The following NUDCD3 variants were observed in gnomAD, a reference collection of about 807,000 sequenced individuals.
The protein encoded by NUDCD3 is nudC domain-containing protein 3.
A neutral mutation model predicts 39.7 loss-of-function variants in NUDCD3; 13 were observed. The ratio of observed to expected loss-of-function variants is 0.33; its 90% CI spans 0.21 to 0.52. The LOEUF (loss-of-function observed/expected upper bound fraction) is 0.52, where lower values mean the gene tolerates loss of function less well. NUDCD3 is among the 20% of genes least tolerant of loss of function. NUDCD3 has a pLI of 0.96. For synonymous variants in NUDCD3, 175 were observed against 172.4 expected (o/e 1.02, Z -0.12); for missense variants, 453 against 458.1 (o/e 0.99, Z 0.10).
chr7:44,423,647 A>T (rs1467975347), intron 3 of NUDCD3, among the ~76,000 whole-genome samples: 1 of 152,228 alleles, frequency 6.6e-6, no homozygotes, highest in African/African-American at 2.4e-5. Flanking sequence ...AAGAGAGGAC[A>T]CAAACAAATG....
chr7:44,485,012 A>T lies in NUDCD3; in HGVS notation c.465T>A (p.Val155=). 6.2e-7 allele frequency: 1 copy of T among 1,614,114 alleles called. No homozygotes were observed. The highest frequency in any genetic ancestry group is 8.5e-7 in the Non-Finnish European group (1 of 1,179,972). Residue 155 remains valine (V), a synonymous_variant, in exon 2 of 6, where the codon GTT becomes GTA. Transcript: ENST00000355451. ...GSQEAEAPGA[V]AGAAEVPREP... The stretch of plus-strand genomic sequence containing the variant: ...CCCTAGGGACTTCAGCAGCACCAGC[A>T]ACTGCTCCTGGAGCTTCTGCCTCCT...
intron 2 of NUDCD3, among the ~76,000 whole-genome samples, chr7:44,474,984 A>T (rs1800333588): frequency 6.6e-6 from 1 of 152,116 alleles, no homozygotes; most frequent in African/African-American, 2.4e-5. Context: ...ACAGACAGAC[A>T]TCCCTCAACC....
intron 2 of NUDCD3, among the ~76,000 whole-genome samples, chr7:44,465,038 G>A (rs1456363925): frequency 2.6e-5 from 4 of 152,168 alleles, no homozygotes; most frequent in African/African-American, 7.2e-5. Context: ...TGACACATGT[G>A]CTCTGCTCCA....
At chr7:44,403,230 G>A (rs1798755768) in intron 4 of NUDCD3, among the ~76,000 whole-genome samples, 1 of 152,240 alleles carries the variant, frequency 6.6e-6, no homozygotes, top group Non-Finnish European at 1.5e-5. Context: ...ATCAGCAGAG[G>A]TAGGCCCTGG....
At chr7:44,436,398 T>C (rs1799464755) in intron 2 of NUDCD3, among the ~76,000 whole-genome samples, 1 of 152,182 alleles carries the variant, frequency 6.6e-6, no homozygotes. Flanking sequence ...CCCTCCTTTT[T>C]GTGTACTTCT....
chr7:44,437,316 C>A (rs777801789), intron 2 of NUDCD3, among the ~76,000 whole-genome samples: 1 of 152,132 alleles, frequency 6.6e-6, no homozygotes, highest in African/African-American at 2.4e-5. Context: ...GATCTGCCCG[C>A]CTTGGCCTCC....
At chr7:44,409,551 T>C (rs1189536865) in intron 3 of NUDCD3, among the ~76,000 whole-genome samples, 4 of 151,460 alleles carry the variant, frequency 2.6e-5, no homozygotes, top group Non-Finnish European at 4.4e-5. Flanking sequence ...TAAAAATCCA[T>C]TTCTCAATAA....
chr7:44,484,921 C>A, intron 2 of NUDCD3, 47 bp downstream of exon 2: 1 of 1,381,308 alleles, frequency 7.2e-7, no homozygotes, highest in Non-Finnish European at 1.0e-6. Flanking sequence ...ACCCAAACAC[C>A]AGATGTTACG....
intron 2 of NUDCD3, among the ~76,000 whole-genome samples, chr7:44,437,441 T>C (rs1799489881): frequency 6.6e-6 from 1 of 152,190 alleles, no homozygotes; most frequent in African/African-American, 2.4e-5. Context: ...AGTTCGTCTA[T>C]GTTGATGTTT....
intron 1 of NUDCD3, 96 bp downstream of exon 1, chr7:44,490,313 G>A: frequency 8.2e-7 from 1 of 1,213,374 alleles, no homozygotes; most frequent in Non-Finnish European, 1.1e-6. Flanking sequence ...CCAGGAAAAG[G>A]AGGAAACAGG....
intron 2 of NUDCD3, among the ~76,000 whole-genome samples, chr7:44,463,339 G>A (rs1585096054): frequency 6.6e-6 from 1 of 152,300 alleles, no homozygotes; most frequent in East Asian, 1.9e-4. Context: ...ACAAGCTGGT[G>A]ACACCCACAG....
Position 44,490,543 on chromosome 7 carries a change from C to G in NUDCD3, c.58G>C (p.Val20Leu), listed in dbSNP as rs1362197797. The G allele has an allele frequency of 1.7e-5, 28 of 1,612,206 alleles. No individual in the cohort carries two copies. Among genetic ancestry groups the G allele is most frequent in the Non-Finnish European group, 2.3e-5 (27 of 1,179,284 alleles). Reference sequence around the variant, plus strand: ...CGCAGGAAATCCTGGACGTTGCCCACGTGCTGCAGGATGCCCAAAAGGGCC... The same window carrying G: ...CGCAGGAAATCCTGGACGTTGCCCAGGTGCTGCAGGATGCCCAAAAGGGCC... Reference protein sequence around the residue: ...DQALLGILQHVGNVQDFLRVL... With the variant: ...DQALLGILQHLGNVQDFLRVL... The change falls in exon 1 of 6, where the codon GTG (valine) becomes CTG (leucine). Residue 20 changes from valine to leucine, a missense_variant. Coordinates refer to ENST00000355451, the MANE Select transcript of NUDCD3 (RefSeq NM_015332.4).
At chr7:44,433,574 G>A (rs970843857) in intron 2 of NUDCD3, among the ~76,000 whole-genome samples, 3 of 152,134 alleles carry the variant, frequency 2.0e-5, no homozygotes, top group Non-Finnish European at 4.4e-5. Flanking sequence ...GTGCATATGC[G>A]TGCATAAGGT....
chr7:44,430,554 C>CACACACACACACA (rs759005189), intron 2 of NUDCD3, among the ~76,000 whole-genome samples: 2 of 140,772 alleles, frequency 1.4e-5, no homozygotes, highest in African/African-American at 5.6e-5. Flanking sequence ...AATAAAATAC[C>CACACACACACACA]CACACACACA....
intron 5 of NUDCD3, among the ~76,000 whole-genome samples, chr7:44,387,754 T>A (rs1169081410): frequency 6.6e-6 from 1 of 152,082 alleles, no homozygotes; most frequent in Non-Finnish European, 1.5e-5. Context: ...AACAGAGGGA[T>A]CCTAGGGTGC....
intron 2 of NUDCD3, among the ~76,000 whole-genome samples, chr7:44,446,918 T>A (rs1235221294): frequency 6.6e-6 from 1 of 152,230 alleles, no homozygotes; most frequent in African/African-American, 2.4e-5. Context: ...CTGGCAATGT[T>A]CATTACATTC....
chr7:44,422,229 C>A, intron 3 of NUDCD3, among the ~76,000 whole-genome samples: 1 of 152,042 alleles, frequency 6.6e-6, no homozygotes. Flanking sequence ...ATTAAAAGAA[C>A]TAGACAAGCA....
chr7:44,396,507 T>C (rs1458244779), intron 4 of NUDCD3, among the ~76,000 whole-genome samples: 1 of 152,156 alleles, frequency 6.6e-6, no homozygotes, highest in African/African-American at 2.4e-5. Context: ...CTGGAGTCCC[T>C]CTCCACACTG....
Position 44,490,591 on chromosome 7 carries a change from C to A in NUDCD3, c.10G>T (p.Gly4Trp). Residue 4 changes from glycine (G) to tryptophan (W), a missense_variant, in exon 1 of 6, where the codon GGG becomes TGG. Physicochemically the swap from Gly to Trp is radical, Grantham distance 184. Transcript: ENST00000355451. MET[G>W]AAELYDQALL... The stretch of plus-strand genomic sequence containing the variant: ...GCCTGGTCATACAGCTCGGCCGCCC[C>A]TGTCTCCATGTCGCCTCCCGCCCTA... The A allele has an allele frequency of 6.2e-7, 1 of 1,607,912 alleles. No homozygotes were observed. Among genetic ancestry groups the A allele is most frequent in the Non-Finnish European group, 8.5e-7 (1 of 1,177,354 alleles).
Sources: allele counts gnomAD v4.1 joint callset (sites outside exome capture counted in the v4.1 genomes callset), GRCh38; gene constraint gnomAD v4.1.1; transcripts MANE v1.5; gene names NCBI Gene and HGNC (gene_info 2026-07-23, HGNC 2026-07-21).